USP19: variants seen among roughly 807,000 people sequenced by gnomAD.
The protein encoded by USP19 is ubiquitin carboxyl-terminal hydrolase 19.
USP19 carries 40 observed loss-of-function variants against 144.8 expected under a neutral mutation model. The observed-to-expected ratio is 0.28, with a 90% confidence interval of 0.21 to 0.36. The LOEUF (loss-of-function observed/expected upper bound fraction) is 0.36. USP19 is among the 10% of genes least tolerant of loss of function. USP19 has a pLI of 1.00. For synonymous variants in USP19, 701 were observed against 709.3 expected (o/e 0.99, Z 0.19); for missense variants, 1,518 against 1,822.5 (o/e 0.83, Z 3.04).
In USP19 at chr3:49,112,288, T is replaced by A; in HGVS notation, c.2761A>T (p.Asn921Tyr). The A allele has an allele frequency of 6.2e-7, 1 of 1,608,536 alleles. No individual in the cohort carries two copies. Among genetic ancestry groups the A allele is most frequent in the Non-Finnish European group, 8.5e-7 (1 of 1,177,546 alleles). ...GGAGACCATGGGGGTCCTCACTGGTTGCAGTAGCCCACACGGTAGCACCGG... is the reference window on the plus strand; with the variant it reads ...GGAGACCATGGGGGTCCTCACTGGTAGCAGTAGCCCACACGGTAGCACCGG... The part of the protein sequence containing the change: ...CTRCYRVGYC[N>Y]QLCQKTHWPD... Residue 921 changes from asparagine to tyrosine, a missense_variant, in exon 19 of 27, where the codon AAC becomes TAC. Around this residue, in one of 5 missense-constraint regions of USP19, gnomAD observed 413 missense variants for 515.8 expected, o/e 0.80. Transcript: ENST00000417901. This position sits in a 1 kb window ranked among gnomAD's most constrained non-coding sequence, Gnocchi z 4.9.
At chr3:49,109,061 T>G in intron 26 of USP19, 2 of 1,611,284 alleles carry the variant, frequency 1.2e-6, no homozygotes, top group Non-Finnish European at 1.7e-6. Flanking sequence ...GCAGCCCTCA[T>G]CTGGTGTGGT....
rs938436715 is a variant in USP19, at chr3:49,108,574, C to T, written c.4039-46G>A. The T allele has an allele frequency of 6.7e-5, 84 of 1,252,174 alleles. No homozygotes were observed. Among genetic ancestry groups the T allele is most frequent in the Non-Finnish European group, 8.1e-5 (80 of 983,324 alleles). The allele number at this position is 1,252,174 out of a possible 1,614,324, so 77.6% of individuals were successfully genotyped here. The stretch of plus-strand genomic sequence containing the variant: ...AGGGGTTGGGGGCTGCCCAGCATGC[C>T]GCCTGGCATCCCGGGGGTGCTGGCT... On this transcript the variant is annotated intron_variant, in intron 26 of 26. Coordinates refer to ENST00000417901, the MANE Select transcript of USP19 (RefSeq NM_001199161.2). This position sits in a 1 kb window ranked among gnomAD's most constrained non-coding sequence, Gnocchi z 4.8.
rs975162157 is a variant in USP19, at chr3:49,114,969, C to T, written c.2171G>A (p.Arg724Gln). ...PYTETVDSDG[R>Q]PDEVVAEEAW... ...GTCCCTAACCCTGACCTCATCGGGC[C>T]GCCCATCTGAATCCACGGTCTCTGT... The change falls in exon 14 of 27, where the codon CGG becomes CAG. Residue 724 changes from arginine (R) to glutamine (Q), a missense_variant. This residue lies in a region of USP19 where 158 missense variants were observed against 277.3 expected (regional missense o/e 0.57). Transcript: ENST00000417901. The surrounding 1 kb of genome is among the most constrained non-coding windows in gnomAD (Gnocchi z 4.5). 2 of 1,614,142 alleles carry T rather than the reference C, an allele frequency of 1.2e-6. No homozygotes were observed. The highest frequency in any genetic ancestry group is 2.2e-5 in the East Asian group (1 of 44,882).
At chr3:49,118,833 T>A (rs535758702) in intron 2 of USP19, among the ~76,000 whole-genome samples, 189 bp downstream of exon 2, 1 of 152,262 alleles carries the variant, frequency 6.6e-6, no homozygotes, top group Admixed American at 6.5e-5. Context: ...AGCACCATCT[T>A]CTGGATCTTA....
At position 49,108,504 on chromosome 3, in the gene USP19, C is replaced by CG; in HGVS notation, c.4062dup (p.Glu1355ArgfsTer10). 8.0e-7 allele frequency: 1 copy of CG among 1,249,590 alleles called. No homozygotes were observed. Among genetic ancestry groups the CG allele is most frequent in the Non-Finnish European group, 1.0e-6 (1 of 970,490 alleles). The allele number at this position is 1,249,590 out of a possible 1,614,324, so 77.4% of individuals were successfully genotyped here. ...GGGGCTGTCCGCGTGGGGGCCACCT[C>CG]GGGGGCCTGGCCAGGGCCTAGTCCC... On this transcript the variant is annotated frameshift_variant, in exon 27 of 27. Transcript: ENST00000417901. LOFTEE classifies it high-confidence loss of function. This position sits in a 1 kb window ranked among gnomAD's most constrained non-coding sequence, Gnocchi z 4.8.
At position 49,112,201 on chromosome 3, in the gene USP19, A is replaced by G; in HGVS notation, c.2765+83T>C. On this transcript the variant is annotated intron_variant, in intron 19 of 26. Coordinates refer to ENST00000417901, the MANE Select transcript of USP19 (RefSeq NM_001199161.2). This position sits in a 1 kb window ranked among gnomAD's most constrained non-coding sequence, Gnocchi z 4.9. ...GGTGGCAAGTAGAAAGCTTAAGCAT[A>G]TGTGCCTTGGTGTGAAGGGAAGGAG... 6.4e-7 allele frequency: 1 copy of G among 1,550,922 alleles called. No individual in the cohort carries two copies. Among genetic ancestry groups the G allele is most frequent in the Admixed American group, 1.9e-5 (1 of 51,518 alleles).
Position 49,112,646 on chromosome 3 carries a change from C to G in USP19, c.2506-17G>C. On this transcript the variant is annotated splice_polypyrimidine_tract_variant and intron_variant, in intron 17 of 26. Coordinates refer to ENST00000417901, the MANE Select transcript of USP19 (RefSeq NM_001199161.2). This position sits in a 1 kb window ranked among gnomAD's most constrained non-coding sequence, Gnocchi z 4.9. The stretch of plus-strand genomic sequence containing the variant: ...CTTAATTACCTGGGGACAGAGAACA[C>G]ACAGATCCCACGTGAGGATAAGCCC... 1 of 1,606,884 alleles carries G rather than the reference C, an allele frequency of 6.2e-7. No individual in the cohort carries two copies. The highest frequency in any genetic ancestry group is 1.7e-4 in the Middle Eastern group (1 of 6,040).
chr3:49,119,411 ACT>A, intron 1 of USP19, 130 bp from the exon 2 acceptor site: 1 of 379,000 alleles, frequency 2.6e-6, no homozygotes, highest in Non-Finnish European at 4.8e-6. Context: ...ACCCCTGGAC[ACT>A]CTCAGGATAT....
chr3:49,117,063 G>T lies in USP19; in HGVS notation c.905C>A (p.Thr302Asn). Residue 302 changes from threonine to asparagine, a missense_variant, in exon 6 of 27, where the codon ACC becomes AAC. This residue lies in a region of USP19 where 707 missense variants were observed against 728.9 expected (regional missense o/e 0.97). Coordinates refer to ENST00000417901, the MANE Select transcript of USP19 (RefSeq NM_001199161.2). The surrounding 1 kb of genome is among the most constrained non-coding windows in gnomAD (Gnocchi z 4.4). ...DAPPFVADPA[T>N]QVEADEQLCI... is the part of the protein sequence containing the mutation. ...AAACAGGTGCCCAGCTCTCACCTGG[G>T]TGGCTGGGTCAGCCACGAAGGGTGG... 1 of 1,517,548 alleles carries T rather than the reference G, an allele frequency of 6.6e-7. No individual in the cohort carries two copies. The highest frequency in any genetic ancestry group is 8.9e-7 in the Non-Finnish European group (1 of 1,128,464). 94.0% of individuals were successfully genotyped at this position (1,517,548 alleles called of 1,614,324 possible).
chr3:49,108,714 AG>A lies in USP19; in HGVS notation c.4039-187del. 6 of 1,346,386 alleles carry A rather than the reference AG, an allele frequency of 4.5e-6. No individual in the cohort carries two copies. The highest frequency in any genetic ancestry group is 5.7e-6 in the Non-Finnish European group (6 of 1,052,978). 83.4% of individuals were successfully genotyped at this position (1,346,386 alleles called of 1,614,324 possible). A position where few individuals can be genotyped will look rare whatever the true frequency, so the allele number is the denominator to read the frequency against. ...TGGTTTTATTAACACTTTTAAGTAC[AG>A]GAAGTAGCTTGGGCAGGGCCAAGCC... On this transcript the variant is annotated intron_variant, in intron 26 of 26. Transcript: ENST00000417901. This position sits in a 1 kb window ranked among gnomAD's most constrained non-coding sequence, Gnocchi z 4.8.
Position 49,112,744 on chromosome 3 carries a change from T to G in USP19, c.2506-115A>C. The G allele has an allele frequency of 7.1e-7, 1 of 1,414,872 alleles. No homozygotes were observed. The highest frequency in any genetic ancestry group is 1.4e-5 in the South Asian group (1 of 69,840). 87.6% of individuals were successfully genotyped at this position (1,414,872 alleles called of 1,614,324 possible). On this transcript the variant is annotated intron_variant, in intron 17 of 26. Coordinates refer to ENST00000417901, the MANE Select transcript of USP19 (RefSeq NM_001199161.2). This position sits in a 1 kb window ranked among gnomAD's most constrained non-coding sequence, Gnocchi z 4.9. Reference sequence around the variant, plus strand: ...GGTCTATGTGGGCAGTGGTGAGGTCTGTAGGCCCAAATAGGCTTATGCCTC... The same window carrying G: ...GGTCTATGTGGGCAGTGGTGAGGTCGGTAGGCCCAAATAGGCTTATGCCTC...
At chr3:49,109,273 G>C in intron 26 of USP19, 1 of 1,414,752 alleles carries the variant, frequency 7.1e-7, no homozygotes, top group East Asian at 2.6e-5. Flanking sequence ...GTCCCACCTG[G>C]GGTGACTGGG....
Position 49,112,685 on chromosome 3 carries a change from G to A in USP19, c.2506-56C>T. On this transcript the variant is annotated intron_variant, in intron 17 of 26. Transcript: ENST00000417901. The surrounding 1 kb of genome is among the most constrained non-coding windows in gnomAD (Gnocchi z 4.9). ...GAGGATAAGCCCTTTCCCTAGCCCTGCCCCAGAGTTTAAGAAGGCTTGGCC... is the reference window on the plus strand; with the variant it reads ...GAGGATAAGCCCTTTCCCTAGCCCTACCCCAGAGTTTAAGAAGGCTTGGCC... The A allele has an allele frequency of 6.4e-7, 1 of 1,568,562 alleles. No homozygotes were observed. The highest frequency in any genetic ancestry group is 1.3e-5 in the African/African-American group (1 of 74,242).
chr3:49,117,216 C>T lies in USP19; in HGVS notation c.752G>A (p.Arg251His), dbSNP rs756509429. 3.0e-5 allele frequency: 47 copies of T among 1,548,324 alleles called. No individual in the cohort carries two copies. The highest frequency in any genetic ancestry group is 3.7e-5 in the Non-Finnish European group (42 of 1,147,386). Residue 251 changes from arginine (R) to histidine (H), a missense_variant, in exon 6 of 27, where the codon CGT becomes CAT. Physicochemically the swap from Arg to His is conservative, Grantham distance 29. Coordinates refer to ENST00000417901, the MANE Select transcript of USP19 (RefSeq NM_001199161.2). This position sits in a 1 kb window ranked among gnomAD's most constrained non-coding sequence, Gnocchi z 4.4. ...GCCAGCCCCTGCGCCTACCTCACCACGGCCCTGGGCCCGCTTCTGGTTCCG... is the reference window on the plus strand; with the variant it reads ...GCCAGCCCCTGCGCCTACCTCACCATGGCCCTGGGCCCGCTTCTGGTTCCG... Reference protein sequence around the residue: ...EARNQKRAQGRGEVGAGAGPG... With the variant: ...EARNQKRAQGHGEVGAGAGPG...
In USP19 at chr3:49,112,623, T is replaced by G; in HGVS notation, c.2512A>C (p.Lys838Gln). ...PENLRLAEVI[K>Q]NRFHRVFLPS... Reference sequence around the variant, plus strand: ...AGGAACACACGATGAAAACGATTCTTAATTACCTGGGGACAGAGAACACAC... The same window carrying G: ...AGGAACACACGATGAAAACGATTCTGAATTACCTGGGGACAGAGAACACAC... Residue 838 changes from lysine to glutamine, a missense_variant, in exon 18 of 27, where the codon AAG becomes CAG. By Grantham distance (53) the Lys-to-Gln change is moderately conservative. Coordinates refer to ENST00000417901, the MANE Select transcript of USP19 (RefSeq NM_001199161.2). This position sits in a 1 kb window ranked among gnomAD's most constrained non-coding sequence, Gnocchi z 4.9. 1 of 1,612,884 alleles carries G rather than the reference T, an allele frequency of 6.2e-7. No homozygotes were observed. Among genetic ancestry groups the G allele is most frequent in the Non-Finnish European group, 8.5e-7 (1 of 1,179,238 alleles).
Position 49,108,447 on chromosome 3 carries a change from C to A in USP19, c.4120G>T (p.Ala1374Ser). The A allele has an allele frequency of 1.5e-6, 2 of 1,369,758 alleles. No individual in the cohort carries two copies. Among genetic ancestry groups the A allele is most frequent in the South Asian group, 3.3e-5 (2 of 59,832 alleles). The allele number at this position is 1,369,758 out of a possible 1,614,324, so 84.9% of individuals were successfully genotyped here. A position where few individuals can be genotyped will look rare whatever the true frequency, so the allele number is the denominator to read the frequency against. ...ERFAPPVDRP[A>S]PTYSNMEEVD is the part of the protein sequence containing the mutation. ...TCCTCCATGTTGCTGTAGGTGGGGG[C>A]TGGCCGATCCACAGGGGGGGCGAAG... Residue 1374 changes from alanine (A) to serine (S), a missense_variant, in exon 27 of 27, where the codon GCC becomes TCC. By Grantham distance (99) the Ala-to-Ser change is moderately conservative. Coordinates refer to ENST00000417901, the MANE Select transcript of USP19 (RefSeq NM_001199161.2). This position sits in a 1 kb window ranked among gnomAD's most constrained non-coding sequence, Gnocchi z 4.8.
Position 49,111,773 on chromosome 3 carries a change from G to A in USP19, c.2944C>T (p.Arg982Cys), listed in dbSNP as rs926149889. The A allele has an allele frequency of 2.8e-5, 44 of 1,554,406 alleles. No homozygotes were observed. The highest frequency in any genetic ancestry group is 3.4e-5 in the Non-Finnish European group (39 of 1,148,888). ...SVFQPPFQPGRMALESQSPGC... is the reference protein window; with the variant it reads ...SVFQPPFQPGCMALESQSPGC... ...GGGCTCTGAGACTCCAAGGCCATGC[G>A]GCCTGGCTGAAAGGGTGGCTGGAAT... is the stretch of plus-strand genomic sequence containing the variant. Residue 982 changes from arginine to cysteine, a missense_variant, in exon 21 of 27, where the codon CGC becomes TGC. This residue lies in a region of USP19 where 413 missense variants were observed against 515.8 expected (regional missense o/e 0.80). Transcript: ENST00000417901. This position sits in a 1 kb window ranked among gnomAD's most constrained non-coding sequence, Gnocchi z 5.9.
chr3:49,120,298 T>C (rs995293863), intron 1 of USP19, among the ~76,000 whole-genome samples: 1 of 152,154 alleles, frequency 6.6e-6, no homozygotes, highest in African/African-American at 2.4e-5. Context: ...AGGTCAGATG[T>C]GGTACTGGTG....
chr3:49,117,117 C>G lies in USP19; in HGVS notation c.851G>C (p.Arg284Thr), dbSNP rs1382633221. The change falls in exon 6 of 27, where the codon AGG (arginine) becomes ACG (threonine). Residue 284 changes from arginine (R) to threonine (T), a missense_variant. This residue lies in a region of USP19 where 707 missense variants were observed against 728.9 expected (regional missense o/e 0.97). Coordinates refer to ENST00000417901, the MANE Select transcript of USP19 (RefSeq NM_001199161.2). The surrounding 1 kb of genome is among the most constrained non-coding windows in gnomAD (Gnocchi z 4.4). ...ATCACCCCGGGGTCCAGGGTCATCC[C>G]TGGACCCGTCCCCCTCTGGCCCTCT... ...LCRGPEGDGS[R>T]DDPGPRGDAP... 6.5e-7 allele frequency: 1 copy of G among 1,541,890 alleles called. No homozygotes were observed. The highest frequency in any genetic ancestry group is 1.2e-5 in the South Asian group (1 of 83,786).
Sources: allele counts gnomAD v4.1 joint callset (sites outside exome capture counted in the v4.1 genomes callset), GRCh38; gene constraint gnomAD v4.1.1; regional missense constraint gnomAD v4.1.1; non-coding constraint Gnocchi (gnomAD v3.1); transcripts MANE v1.5; gene names NCBI Gene and HGNC (gene_info 2026-07-23, HGNC 2026-07-21).